The following DUSP22 variants were observed in gnomAD, a reference collection of about 807,000 sequenced individuals.
The protein encoded by DUSP22 is dual specificity phosphatase 22, also known as dual specificity protein phosphatase 22.
DUSP22 carries 24 observed loss-of-function variants against 24.5 expected under a neutral mutation model. The observed-to-expected ratio is 0.98, with a 90% CI of 0.71 to 1.38. DUSP22 has a LOEUF of 1.38. DUSP22 is among the 40% of genes most tolerant of loss of function. The probability of loss-of-function intolerance (pLI) is 0.00; values close to 1 mark genes in which losing one functional copy is unlikely to be tolerated. For synonymous variants in DUSP22, 160 were observed against 106.4 expected (o/e 1.50, Z -3.10); for missense variants, 330 against 269.2 (o/e 1.23, Z -1.58).
chr6:301,192 A>C (rs1235577555), intron 1 of DUSP22, among the ~76,000 whole-genome samples: 1 of 152,300 alleles, frequency 6.6e-6, no homozygotes, highest in African/African-American at 2.4e-5. Context: ...AAAGGGTTTC[A>C]GAGACTGGAA....
At chr6:331,399 A>T (rs1378666111) in intron 3 of DUSP22, among the ~76,000 whole-genome samples, 1 of 152,310 alleles carries the variant, frequency 6.6e-6, no homozygotes, top group African/African-American at 2.4e-5. Flanking sequence ...ATTACTTACA[A>T]ATTTTTCAGA....
At chr6:328,071 G>T (rs965755361) in intron 3 of DUSP22, among the ~76,000 whole-genome samples, 2 of 152,288 alleles carry the variant, frequency 1.3e-5, no homozygotes, top group Admixed American at 1.3e-4. Context: ...CTGGTGATAC[G>T]TACAGAGAAC....
rs552807963 is a variant in DUSP22, at chr6:296,333, A to G, written c.21+3773A>G. 5.2e-5 allele frequency among the ~76,000 whole-genome samples: 8 copies of G among 152,418 alleles called. No homozygotes were observed. The East Asian group carries it at 1.5e-3, about 29-fold the overall frequency. On this transcript the variant is annotated intron_variant, in intron 1 of 6. Transcript: ENST00000419235. ...ACAACTCCATGAAGTAGATCCTGTT[A>G]TTTTCATGCCTGTTTTCTGGTTGTA...
chr6:333,146 C>G (rs1759210372), intron 3 of DUSP22, among the ~76,000 whole-genome samples: 1 of 152,306 alleles, frequency 6.6e-6, no homozygotes. Flanking sequence ...TTCAGTGTTC[C>G]CAGCAGAGCA....
intron 4 of DUSP22, among the ~76,000 whole-genome samples, chr6:344,404 G>A (rs1208403423): frequency 6.6e-6 from 1 of 152,302 alleles, no homozygotes; most frequent in South Asian, 2.1e-4. Context: ...TCCCACCTCG[G>A]CCTCCCAAGT....
chr6:335,171 T>G lies in DUSP22; in HGVS notation c.188+8T>G. On this transcript the variant is annotated splice_region_variant and intron_variant, in intron 4 of 6. Transcript: ENST00000419235. ...TTCACCATCTCAAAACCTGTAAGTT[T>G]CTTATTTCTGTATTATTTGGAGACA... The G allele has an allele frequency of 6.2e-7, 1 of 1,613,368 alleles. No homozygotes were observed. The highest frequency in any genetic ancestry group is 8.5e-7 in the Non-Finnish European group (1 of 1,179,240).
chr6:313,819 A>G (rs1044839963), intron 3 of DUSP22, among the ~76,000 whole-genome samples: 3 of 152,304 alleles, frequency 2.0e-5, no homozygotes, highest in African/African-American at 7.2e-5. Context: ...TTTAAAAATT[A>G]AAACAATAGC....
At chr6:328,884 A>C (rs1759008779) in intron 3 of DUSP22, among the ~76,000 whole-genome samples, 1 of 152,308 alleles carries the variant, frequency 6.6e-6, no homozygotes, top group Non-Finnish European at 1.5e-5. Flanking sequence ...TCCAGTACTT[A>C]GTCCATAGGC....
At chr6:306,432 A>G (rs1757816171) in intron 2 of DUSP22, among the ~76,000 whole-genome samples, 1 of 152,308 alleles carries the variant, frequency 6.6e-6, no homozygotes, top group Admixed American at 6.5e-5. Context: ...AATATTCAAT[A>G]ACATAGGACT....
At chr6:347,887 C>G (rs570437758) in intron 5 of DUSP22, among the ~76,000 whole-genome samples, 1 of 152,306 alleles carries the variant, frequency 6.6e-6, no homozygotes. Flanking sequence ...GCTCAAACAG[C>G]AGAAGAAAGC....
intron 1 of DUSP22, among the ~76,000 whole-genome samples, chr6:296,884 A>G (rs1335652331): frequency 6.6e-6 from 1 of 152,298 alleles, no homozygotes; most frequent in African/African-American, 2.4e-5. Flanking sequence ...CTCATCAAGC[A>G]TCCGGCCTGC....
At chr6:304,489 C>G in intron 1 of DUSP22, 139 bp from the exon 2 acceptor site, 2 of 1,287,968 alleles carry the variant, frequency 1.6e-6, no homozygotes, top group South Asian at 2.4e-5. Context: ...GTTGGGTCAC[C>G]CGCGTGTCTG....
rs904802089 is a variant in DUSP22, at chr6:349,219, G to A, written c.*268G>A. Reference sequence around the variant, plus strand: ...GCTCTGTGCACGTGCGTGTGTGTGAGTGCACTTGTGTGTGGGTGACTAAGT... The same window carrying A: ...GCTCTGTGCACGTGCGTGTGTGTGAATGCACTTGTGTGTGGGTGACTAAGT... On this transcript the variant is annotated 3_prime_UTR_variant, in exon 7 of 7. Transcript: ENST00000419235. 6.5e-6 allele frequency: 9 copies of A among 1,387,312 alleles called. No homozygotes were observed. The highest frequency in any genetic ancestry group is 1.4e-5 in the African/African-American group (1 of 69,182). 85.9% of individuals were successfully genotyped at this position (1,387,312 alleles called of 1,614,324 possible).
chr6:302,464 A>G (rs1757628156), intron 1 of DUSP22, among the ~76,000 whole-genome samples: 1 of 152,298 alleles, frequency 6.6e-6, no homozygotes, highest in African/African-American at 2.4e-5. Context: ...CTGTCTGCCC[A>G]CTGCTCTTGG....
intron 3 of DUSP22, among the ~76,000 whole-genome samples, chr6:312,903 A>G (rs570308992): frequency 2.6e-5 from 4 of 152,422 alleles, no homozygotes; most frequent in Non-Finnish European, 4.4e-5. Flanking sequence ...TAGGTGGTGA[A>G]CAAACCTCAA....
At chr6:329,968 C>G in intron 3 of DUSP22, among the ~76,000 whole-genome samples, 1 of 152,148 alleles carries the variant, frequency 6.6e-6, no homozygotes, top group South Asian at 2.1e-4. Flanking sequence ...GAAAGTCGCT[C>G]TTGAGAGTTC....
rs60613949 is a variant in DUSP22 at position 319,137 on chromosome 6, TA to T, written c.138+7189del. On this transcript the variant is annotated intron_variant, in intron 3 of 6. Transcript: ENST00000419235. ...GATGATTCCCACTTTTTCCTCTATT[TA>T]AAAAAAAAAAAAATTCTTGAATTTA... Among the ~76,000 whole-genome samples, 1,294 of 149,860 alleles carry T rather than the reference TA, an allele frequency of 8.6e-3. 1 individual carries two copies. Among genetic ancestry groups the T allele is most frequent in the African/African-American group, 0.027 (1,095 of 41,042 alleles).
At chr6:300,697 G>A (rs1478987277) in intron 1 of DUSP22, among the ~76,000 whole-genome samples, 1 of 152,086 alleles carries the variant, frequency 6.6e-6, no homozygotes, top group Non-Finnish European at 1.5e-5. Flanking sequence ...TAGAGGCAGG[G>A]CAGGAACAGA....
chr6:333,728 C>T (rs1415790805), intron 3 of DUSP22, among the ~76,000 whole-genome samples: 2 of 152,306 alleles, frequency 1.3e-5, no homozygotes, highest in Non-Finnish European at 2.9e-5. Flanking sequence ...CGAGCCAGCC[C>T]ACCCCTGCCC....
Sources: allele counts gnomAD v4.1 joint callset (sites outside exome capture counted in the v4.1 genomes callset), GRCh38; gene constraint gnomAD v4.1.1; transcripts MANE v1.5; gene names NCBI Gene and HGNC (gene_info 2026-07-23, HGNC 2026-07-21).